Variants in ACVR1 observed in about 807,000 individuals in gnomAD.
ACVR1 encodes the protein activin A receptor type 1.
Under a neutral mutation model 57.1 loss-of-function variants are expected in ACVR1, and 38 were observed. The ratio of observed to expected loss-of-function variants is 0.67; its 90% CI spans 0.51 to 0.87. The LOEUF (loss-of-function observed/expected upper bound fraction) is 0.87, where lower values mean the gene tolerates loss of function less well. Ranked by LOEUF, ACVR1 falls within the 40% of genes least tolerant of loss-of-function variation. The pLI is 0.00. For missense variants in ACVR1, 463 were observed against 638.2 expected (o/e 0.73, Z 2.96); for synonymous variants, 212 against 228.1 (o/e 0.93, Z 0.63).
At chr2:157,767,191 C>A (rs73022054) in intron 7 of ACVR1, among the ~76,000 whole-genome samples, 2,684 of 152,110 alleles carry the variant, frequency 0.018, 66 homozygotes, top group African/African-American at 0.059. Flanking sequence ...ACCATCACGC[C>A]GGGCTAATTT....
At chr2:157,858,209 C>T (rs959335670) in intron 1 of ACVR1, among the ~76,000 whole-genome samples, 8 of 152,046 alleles carry the variant, frequency 5.3e-5, no homozygotes, top group Non-Finnish European at 1.2e-4. Context: ...CTGGGAGGAG[C>T]CTTCCCTTCC....
intron 1 of ACVR1, among the ~76,000 whole-genome samples, chr2:157,840,694 A>C (rs1443752418): frequency 6.6e-6 from 1 of 152,250 alleles, no homozygotes; most frequent in Non-Finnish European, 1.5e-5. Flanking sequence ...GCTCCATGTC[A>C]GTGAAGCCAG....
intron 9 of ACVR1, among the ~76,000 whole-genome samples, chr2:157,748,211 A>C (rs1200624869): frequency 1.3e-5 from 2 of 152,200 alleles, no homozygotes; most frequent in Non-Finnish European, 2.9e-5. Context: ...ACGGGTTTGC[A>C]ACACGAGTTC....
intron 4 of ACVR1, among the ~76,000 whole-genome samples, chr2:157,779,745 CT>C (rs1310116865): frequency 1.3e-5 from 2 of 152,126 alleles, no homozygotes; most frequent in Non-Finnish European, 2.9e-5. Flanking sequence ...GACTGGTTTC[CT>C]TAGCATATGC....
intron 3 of ACVR1, among the ~76,000 whole-genome samples, chr2:157,793,899 A>T (rs1687013465): frequency 6.6e-6 from 1 of 152,180 alleles, no homozygotes; most frequent in Admixed American, 6.5e-5. Context: ...AAGTCTGAGT[A>T]GTGATGGCTT....
At chr2:157,763,059 A>C (rs989255486) in intron 8 of ACVR1, among the ~76,000 whole-genome samples, 4 of 152,228 alleles carry the variant, frequency 2.6e-5, no homozygotes, top group Non-Finnish European at 4.4e-5. Flanking sequence ...GTAATAAGTA[A>C]TTTTTACACT....
intron 9 of ACVR1, among the ~76,000 whole-genome samples, chr2:157,750,675 C>T (rs1439100367): frequency 3.3e-5 from 5 of 151,346 alleles, no homozygotes; most frequent in Non-Finnish European, 7.4e-5. Flanking sequence ...CGTAGAGACA[C>T]AAAGAACATG....
intron 9 of ACVR1, among the ~76,000 whole-genome samples, chr2:157,748,616 C>T (rs1324586222): frequency 6.6e-6 from 1 of 151,156 alleles, no homozygotes; most frequent in Non-Finnish European, 1.5e-5. Context: ...ACCAAGAAAA[C>T]GTTCATGATT....
intron 2 of ACVR1, among the ~76,000 whole-genome samples, chr2:157,800,078 G>A (rs542815368): frequency 1.3e-5 from 2 of 152,258 alleles, no homozygotes; most frequent in East Asian, 3.9e-4. Flanking sequence ...ATGCATTTCT[G>A]CATTAAACAA....
At chr2:157,770,615 C>A in intron 6 of ACVR1, 101 bp from the exon 7 acceptor site, 1 of 1,173,466 alleles carries the variant, frequency 8.5e-7, no homozygotes, top group South Asian at 1.2e-5. Context: ...ACTCTTAATC[C>A]CTCCATTGCT....
intron 9 of ACVR1, among the ~76,000 whole-genome samples, chr2:157,756,311 G>A (rs189585242): frequency 6.6e-6 from 1 of 151,642 alleles, no homozygotes; most frequent in African/African-American, 2.4e-5. Context: ...AGATAAATAG[G>A]TGGGACTTAA....
chr2:157,779,278 AC>A (rs1276898877), intron 4 of ACVR1, among the ~76,000 whole-genome samples: 2 of 152,208 alleles, frequency 1.3e-5, no homozygotes, highest in East Asian at 3.8e-4. Flanking sequence ...ATGTCCATCC[AC>A]CCAATTAATA....
At chr2:157,804,876 A>G (rs1687461211) in intron 2 of ACVR1, among the ~76,000 whole-genome samples, 1 of 152,234 alleles carries the variant, frequency 6.6e-6, no homozygotes, top group Non-Finnish European at 1.5e-5. Context: ...CTTAAAGATC[A>G]GACTGTATGT....
chr2:157,823,997 A>G (rs1458203297), intron 1 of ACVR1, among the ~76,000 whole-genome samples: 1 of 152,176 alleles, frequency 6.6e-6, no homozygotes, highest in Non-Finnish European at 1.5e-5. Flanking sequence ...ACTCCCTTGC[A>G]GAGCTGCCAC....
intron 1 of ACVR1, among the ~76,000 whole-genome samples, chr2:157,836,662 T>G (rs1463385321): frequency 6.6e-6 from 1 of 152,150 alleles, no homozygotes; most frequent in Admixed American, 6.5e-5. Flanking sequence ...CACCACCTTC[T>G]GACAGCAGAA....
intron 2 of ACVR1, among the ~76,000 whole-genome samples, chr2:157,813,086 G>A (rs1253183166): frequency 1.3e-5 from 2 of 151,766 alleles, no homozygotes; most frequent in African/African-American, 4.8e-5. Flanking sequence ...TGGTAACTGG[G>A]TATGATTCTT....
chr2:157,840,912 G>A (rs373066068), intron 1 of ACVR1, among the ~76,000 whole-genome samples: 1 of 152,360 alleles, frequency 6.6e-6, no homozygotes, highest in East Asian at 1.9e-4. Context: ...TTTAAGGCAG[G>A]AGGCATATTC....
chr2:157,862,143 C>A (rs28452274), intron 1 of ACVR1, among the ~76,000 whole-genome samples: 22,094 of 152,026 alleles, frequency 0.15, 3,327 homozygotes, highest in East Asian at 0.45. Flanking sequence ...AACTGCTAAA[C>A]TTTAGGATTA....
In ACVR1 at chr2:157,736,774, G is replaced by T. The variant is rs1485927607; in HGVS notation, c.*757C>A. The T allele has an allele frequency of 2.9e-6, 1 of 345,250 alleles. No homozygotes were observed. The highest frequency in any genetic ancestry group is 3.8e-5 in the East Asian group (1 of 26,146). 21.4% of individuals were successfully genotyped at this position (345,250 alleles called of 1,614,324 possible). A position where few individuals can be genotyped will look rare whatever the true frequency, so the allele number is the denominator to read the frequency against. On this transcript the variant is annotated 3_prime_UTR_variant, in exon 11 of 11. Coordinates refer to ENST00000434821, the MANE Select transcript of ACVR1 (RefSeq NM_001111067.4). The stretch of plus-strand genomic sequence containing the variant: ...ATAATAAAAGAAAATGTCCATTTTA[G>T]AGTATAGTGTTAAAAACATTTCTGT...
Sources: gnomAD v4.1 joint callset for allele counts (sites outside exome capture counted in the v4.1 genomes callset) on GRCh38, gnomAD v4.1.1 for gene constraint, MANE v1.5 for transcripts, NCBI Gene and HGNC (gene_info 2026-07-23, HGNC 2026-07-21) for gene names.